Variants in RASA2 observed in about 807,000 individuals in gnomAD.
RASA2 encodes the protein ras GTPase-activating protein 2.
RASA2 carries 155 observed loss-of-function variants against 118.2 expected under a neutral mutation model. That is an observed-to-expected ratio of 1.31 (90% CI 1.15 to 1.50). The LOEUF (loss-of-function observed/expected upper bound fraction) is 1.50, where lower values mean the gene tolerates loss of function less well. RASA2 is among the 40% of genes most tolerant of loss of function. The probability of loss-of-function intolerance (pLI) is 0.00; values close to 1 mark genes in which losing one functional copy is unlikely to be tolerated. For synonymous variants in RASA2, 353 were observed against 349.1 expected (o/e 1.01, Z -0.12); for missense variants, 1,016 against 1,009.6 (o/e 1.01, Z -0.09).
chr3:141,546,631 C>T (rs1462175005), intron 5 of RASA2, among the ~76,000 whole-genome samples: 1 of 152,178 alleles, frequency 6.6e-6, no homozygotes, highest in Admixed American at 6.5e-5. Flanking sequence ...TTCTCCCATT[C>T]TGTGGGTTGT....
intron 1 of RASA2, among the ~76,000 whole-genome samples, chr3:141,500,724 A>C (rs78982303): frequency 6.6e-6 from 1 of 152,208 alleles, no homozygotes; most frequent in African/African-American, 2.4e-5. Flanking sequence ...TGGAGTATTC[A>C]TACTTACATG....
intron 15 of RASA2, chr3:141,578,683 C>A (rs954774983): frequency 3.9e-5 from 6 of 152,142 alleles, no homozygotes; most frequent in African/African-American, 1.4e-4. Context: ...ACTAAAGCTG[C>A]ACAGAACTCT....
At chr3:141,506,378 C>T (rs2081867049) in intron 1 of RASA2, among the ~76,000 whole-genome samples, 1 of 152,196 alleles carries the variant, frequency 6.6e-6, no homozygotes. Context: ...CAGGACTCCG[C>T]ATGCACAGAA....
chr3:141,525,121 A>G (rs895778292), intron 3 of RASA2: 2 of 152,132 alleles, frequency 1.3e-5, no homozygotes, highest in Admixed American at 6.5e-5. Context: ...AAGATCAACA[A>G]AGGTGGTTTC....
At chr3:141,575,935 G>A (rs1484485969) in intron 14 of RASA2, among the ~76,000 whole-genome samples, 6 of 152,154 alleles carry the variant, frequency 3.9e-5, no homozygotes, top group Admixed American at 1.3e-4. Flanking sequence ...GTGCCTCCAC[G>A]CCTGGCTAAT....
intron 5 of RASA2, among the ~76,000 whole-genome samples, chr3:141,553,111 T>C (rs543159691): frequency 4.6e-5 from 7 of 152,196 alleles, no homozygotes; most frequent in African/African-American, 1.7e-4. Flanking sequence ...TTACTGAGAA[T>C]TGGAATAAAA....
chr3:141,568,457 G>A (rs1010272590), intron 9 of RASA2, among the ~76,000 whole-genome samples: 8 of 152,056 alleles, frequency 5.3e-5, no homozygotes, highest in Admixed American at 2.0e-4. Context: ...AAGCGGAGGT[G>A]CAGAATGGTA....
intron 1 of RASA2, among the ~76,000 whole-genome samples, chr3:141,510,016 A>AG (rs1228454250): frequency 6.6e-6 from 1 of 152,090 alleles, no homozygotes; most frequent in East Asian, 1.9e-4. Context: ...GTACTATTCC[A>AG]TTGGTTTTCT....
At chr3:141,537,404 T>C (rs2082343125) in intron 4 of RASA2, among the ~76,000 whole-genome samples, 1 of 152,246 alleles carries the variant, frequency 6.6e-6, no homozygotes, top group Non-Finnish European at 1.5e-5. Context: ...GTTCTAACTT[T>C]TTTATTTCAT....
intron 14 of RASA2, among the ~76,000 whole-genome samples, chr3:141,575,632 G>A (rs1431509858): frequency 6.6e-6 from 1 of 152,188 alleles, no homozygotes; most frequent in African/African-American, 2.4e-5. Context: ...TGGCCAACAG[G>A]CAAGCAGGGC....
intron 1 of RASA2, among the ~76,000 whole-genome samples, chr3:141,493,271 T>A (rs1004695398): frequency 6.6e-6 from 1 of 152,232 alleles, no homozygotes; most frequent in Non-Finnish European, 1.5e-5. Context: ...GTCTACACAC[T>A]CTTAACTGTT....
intron 16 of RASA2, among the ~76,000 whole-genome samples, 186 bp downstream of exon 16, chr3:141,580,637 T>A (rs2083098256): frequency 6.6e-6 from 1 of 151,894 alleles, no homozygotes; most frequent in Non-Finnish European, 1.5e-5. Context: ...AGAGGACAGT[T>A]TCAGAAGCTG....
chr3:141,535,055 T>G (rs2082308425), intron 4 of RASA2, among the ~76,000 whole-genome samples: 2 of 152,178 alleles, frequency 1.3e-5, no homozygotes, highest in African/African-American at 4.8e-5. Flanking sequence ...AGATACTGCA[T>G]TTTTTACAAA....
At chr3:141,527,996 T>C (rs974082320) in intron 3 of RASA2, among the ~76,000 whole-genome samples, 3 of 152,002 alleles carry the variant, frequency 2.0e-5, no homozygotes, top group South Asian at 4.1e-4. Context: ...CAATTACATT[T>C]TATCCAAAGT....
At chr3:141,594,621 A>G (rs556356907) in intron 19 of RASA2, among the ~76,000 whole-genome samples, 1 of 152,310 alleles carries the variant, frequency 6.6e-6, no homozygotes, top group African/African-American at 2.4e-5. Context: ...GGACAGTGGA[A>G]TGACCTGTTT....
intron 9 of RASA2, among the ~76,000 whole-genome samples, 197 bp downstream of exon 9, chr3:141,560,192 A>G (rs2082711402): frequency 6.6e-6 from 1 of 152,194 alleles, no homozygotes; most frequent in Non-Finnish European, 1.5e-5. Context: ...TGGTACTGAG[A>G]TAAAAGAACT....
At chr3:141,543,787 T>C (rs1319483391) in intron 5 of RASA2, among the ~76,000 whole-genome samples, 1 of 152,064 alleles carries the variant, frequency 6.6e-6, no homozygotes, top group Admixed American at 6.6e-5. Flanking sequence ...TTTTTCCCTA[T>C]AGGTAACACA....
intron 9 of RASA2, 52 bp from the exon 10 acceptor site, chr3:141,570,860 A>C: frequency 6.6e-7 from 1 of 1,524,756 alleles, no homozygotes; most frequent in Non-Finnish European, 8.9e-7. Flanking sequence ...AACTTGCCTC[A>C]TTGGCTTGAA....
In RASA2 at chr3:141,613,461, A is replaced by G. The variant is rs1283479567; in HGVS notation, c.*1148A>G. On this transcript the variant is annotated 3_prime_UTR_variant, in exon 24 of 24. Transcript: ENST00000286364. ...CTAGAAATTTACTTTTGTCCTAAAA[A>G]CCCTAACTGTAAATAAGCAGTCGAA... is the stretch of plus-strand genomic sequence containing the variant. The G allele has an allele frequency of 6.6e-6, 1 of 152,202 alleles. No individual in the cohort carries two copies. The allele number at this position is 152,202 out of a possible 1,614,324, so 9.4% of individuals were successfully genotyped here.
Sources: gnomAD v4.1 joint callset for allele counts (sites outside exome capture counted in the v4.1 genomes callset) on GRCh38, gnomAD v4.1.1 for gene constraint, MANE v1.5 for transcripts, NCBI Gene and HGNC (gene_info 2026-07-23, HGNC 2026-07-21) for gene names.